SARNP: variants seen among roughly 807,000 people sequenced by gnomAD.
SARNP encodes SAP domain-containing ribonucleoprotein.
A neutral mutation model predicts 38.1 loss-of-function variants in SARNP; 5 were observed. That is an observed-to-expected ratio of 0.13 (90% confidence interval 0.07 to 0.28). The LOEUF (loss-of-function observed/expected upper bound fraction) is 0.28, where lower values mean the gene tolerates loss of function less well. SARNP is among the 10% of genes least tolerant of loss of function. The pLI is 1.00. For missense variants in SARNP, 180 were observed against 243.9 expected (o/e 0.74, Z 1.75); for synonymous variants, 84 against 80.6 (o/e 1.04, Z -0.23).
At chr12:55,791,154 A>C (rs1879656755) in intron 7 of SARNP, among the ~76,000 whole-genome samples, 1 of 152,202 alleles carries the variant, frequency 6.6e-6, no homozygotes, top group South Asian at 2.1e-4. Flanking sequence ...ATGGAGAAAA[A>C]AACCTCAGTG....
intron 4 of SARNP, 54 bp from the exon 5 acceptor site, chr12:55,796,130 C>A (rs1247973087): frequency 1.6e-6 from 2 of 1,260,192 alleles, no homozygotes; most frequent in African/African-American, 2.9e-5. Context: ...TAAACCACAA[C>A]CTCAGAAATG....
intron 1 of SARNP, among the ~76,000 whole-genome samples, chr12:55,808,957 A>G (rs1880241360): frequency 6.6e-6 from 1 of 152,216 alleles, no homozygotes; most frequent in East Asian, 1.9e-4. Flanking sequence ...TTTGGCTCCA[A>G]CACTTTGGGA....
At chr12:55,762,891 G>GC (rs1163391124) in intron 9 of SARNP, among the ~76,000 whole-genome samples, 1 of 152,178 alleles carries the variant, frequency 6.6e-6, no homozygotes, top group African/African-American at 2.4e-5. Context: ...CAGCAGGCAG[G>GC]AGTACTGTCT....
At chr12:55,812,722 A>T (rs1880363671) in intron 1 of SARNP, among the ~76,000 whole-genome samples, 1 of 152,222 alleles carries the variant, frequency 6.6e-6, no homozygotes, top group African/African-American at 2.4e-5. Flanking sequence ...CTGATCTATA[A>T]ATACTTGAAA....
At chr12:55,784,636 A>C (rs1247198065) in intron 9 of SARNP, among the ~76,000 whole-genome samples, 1 of 152,232 alleles carries the variant, frequency 6.6e-6, no homozygotes, top group Admixed American at 6.5e-5. Flanking sequence ...TGGTCTGATA[A>C]ATAATTTCTA....
intron 1 of SARNP, among the ~76,000 whole-genome samples, chr12:55,810,294 G>A (rs2136207355): frequency 6.6e-6 from 1 of 151,852 alleles, no homozygotes; most frequent in South Asian, 2.1e-4. Flanking sequence ...TTTATTTCCA[G>A]TAGAGATGAG....
At chr12:55,758,448 C>T (rs1484799578) in intron 10 of SARNP, among the ~76,000 whole-genome samples, 1 of 152,026 alleles carries the variant, frequency 6.6e-6, no homozygotes, top group African/African-American at 2.4e-5. Context: ...AGTTCAAGAC[C>T]AGCCTGACCA....
chr12:55,791,322 TTA>T, intron 7 of SARNP, among the ~76,000 whole-genome samples: 1 of 152,194 alleles, frequency 6.6e-6, no homozygotes, highest in Non-Finnish European at 1.5e-5. Context: ...GAACTGTATG[TTA>T]TATAAATTGC....
intron 1 of SARNP, among the ~76,000 whole-genome samples, chr12:55,813,138 G>A (rs1464955939): frequency 1.3e-5 from 2 of 152,046 alleles, no homozygotes; most frequent in African/African-American, 4.8e-5. Flanking sequence ...TAGAGATGGG[G>A]TTTCACCATA....
intron 2 of SARNP, among the ~76,000 whole-genome samples, chr12:55,802,036 C>G (rs563519569): frequency 6.6e-6 from 1 of 152,128 alleles, no homozygotes; most frequent in South Asian, 2.1e-4. Context: ...AAGAAGAAAC[C>G]CAAAGAATTG....
At chr12:55,785,081 G>T (rs1166109022) in intron 9 of SARNP, among the ~76,000 whole-genome samples, 2 of 152,156 alleles carry the variant, frequency 1.3e-5, no homozygotes, top group African/African-American at 2.4e-5. Flanking sequence ...TAATGCTGTT[G>T]TAACATTTTA....
intron 9 of SARNP, among the ~76,000 whole-genome samples, chr12:55,763,914 T>C (rs1878749847): frequency 6.6e-6 from 1 of 152,328 alleles, no homozygotes; most frequent in South Asian, 2.1e-4. Flanking sequence ...TCCACTTTCT[T>C]AGCCTTACCA....
chr12:55,802,474 C>T (rs10161417), intron 2 of SARNP, among the ~76,000 whole-genome samples: 12,263 of 151,742 alleles, frequency 0.081, 684 homozygotes, highest in African/African-American at 0.15. Context: ...GTGGAAAACC[C>T]CACACCTAAC....
intron 9 of SARNP, among the ~76,000 whole-genome samples, chr12:55,780,695 G>T (rs1428380304): frequency 6.6e-6 from 1 of 151,918 alleles, no homozygotes; most frequent in African/African-American, 2.4e-5. Context: ...ATAACAATAT[G>T]CCAGCATCAC....
At chr12:55,758,371 G>A (rs1273545857) in intron 10 of SARNP, among the ~76,000 whole-genome samples, 1 of 152,174 alleles carries the variant, frequency 6.6e-6, no homozygotes, top group Non-Finnish European at 1.5e-5. Flanking sequence ...CATAGGCCAG[G>A]CATGGTGGCT....
At chr12:55,790,031 A>G (rs1029832808) in intron 8 of SARNP, among the ~76,000 whole-genome samples, 1 of 152,004 alleles carries the variant, frequency 6.6e-6, no homozygotes. Flanking sequence ...CAACCCCTAA[A>G]GCAGGATTTC....
chr12:55,810,484 C>T (rs1202496328), intron 1 of SARNP, among the ~76,000 whole-genome samples: 1 of 148,786 alleles, frequency 6.7e-6, no homozygotes, highest in African/African-American at 2.5e-5. Flanking sequence ...CTCAGTTTCA[C>T]TCTTGTCACT....
chr12:55,794,135 G>A, intron 7 of SARNP: 1 of 527,736 alleles, frequency 1.9e-6, no homozygotes, highest in Non-Finnish European at 3.4e-6. Flanking sequence ...AGAAAAGACA[G>A]ACAAATGTTG....
intron 4 of SARNP, among the ~76,000 whole-genome samples, chr12:55,796,563 G>C (rs7974053): frequency 0.99 from 151,264 of 152,294 alleles, 75,133 homozygotes; most frequent in Middle Eastern, 1. Flanking sequence ...CCACCACGCC[G>C]AGCTAATTTT....
Sources: allele counts gnomAD v4.1 joint callset (sites outside exome capture counted in the v4.1 genomes callset), GRCh38; gene constraint gnomAD v4.1.1; transcripts MANE v1.5; gene names NCBI Gene and HGNC (gene_info 2026-07-23, HGNC 2026-07-21).